Variants in ZNF99 observed in about 807,000 individuals in gnomAD.
The protein encoded by ZNF99 is zinc finger protein ENSP00000375192.
A neutral mutation model predicts 12.8 loss-of-function variants in ZNF99; 8 were observed. That is an observed-to-expected ratio of 0.62 (90% CI 0.37 to 1.13). The LOEUF is 1.13. ZNF99 is among the 50% of genes most tolerant of loss of function. The pLI is 0.02. For missense variants in ZNF99, 1,007 were observed against 1,006.2 expected (o/e 1.00, Z -0.01); for synonymous variants, 318 against 319.0 (o/e 1.00, Z 0.03).
At chr19:22,783,938 G>C in intron 1 of ZNF99, 76 bp downstream of exon 1, 1 of 1,594,530 alleles carries the variant, frequency 6.3e-7, no homozygotes, top group Non-Finnish European at 8.6e-7. Flanking sequence ...GGAGGCCTGA[G>C]TCCCGCCACA....
chr19:22,783,687 AC>A (rs1446014971), intron 1 of ZNF99, among the ~76,000 whole-genome samples: 4 of 152,122 alleles, frequency 2.6e-5, no homozygotes, highest in African/African-American at 9.7e-5. Flanking sequence ...ATGAACCCGC[AC>A]CCGGAGTCAG....
chr19:22,759,201 T>G lies in ZNF99; in HGVS notation c.708A>C (p.Lys236Asn). 6.3e-7 allele frequency: 1 copy of G among 1,575,378 alleles called. No homozygotes were observed. The highest frequency in any genetic ancestry group is 8.6e-7 in the Non-Finnish European group (1 of 1,160,366). Reference protein sequence around the residue: ...DKPYKYKKCGKAFNISSMFTK... With the variant: ...DKPYKYKKCGNAFNISSMFTK... ...TGAACATTGAAGAGATGTTAAAAGC[T>G]TTGCCACATTTCTTATATTTGTAGG... Residue 236 changes from lysine (K) to asparagine (N), a missense_variant, in exon 4 of 4, where the codon AAA (lysine) becomes AAC (asparagine). By Grantham distance (94) the Lys-to-Asn change is moderately conservative. Coordinates refer to ENST00000596209, the MANE Select transcript of ZNF99 (RefSeq NM_001080409.3).
chr19:22,779,557 A>G (rs1473299995), intron 1 of ZNF99, among the ~76,000 whole-genome samples: 4 of 152,114 alleles, frequency 2.6e-5, no homozygotes, highest in African/African-American at 9.7e-5. Flanking sequence ...AAATAAATAA[A>G]TCAGCTGAGT....
At chr19:22,763,356 C>T (rs1973170114) in intron 3 of ZNF99, among the ~76,000 whole-genome samples, 1 of 150,314 alleles carries the variant, frequency 6.7e-6, no homozygotes, top group African/African-American at 2.5e-5. Context: ...AGCAGAGAGT[C>T]AAATCAAAAC....
At chr19:22,771,456 C>T (rs940515443) in intron 1 of ZNF99, among the ~76,000 whole-genome samples, 20 of 151,296 alleles carry the variant, frequency 1.3e-4, no homozygotes, top group African/African-American at 4.6e-4. Flanking sequence ...AGGGTTTCAC[C>T]GTGTTAGCCA....
At chr19:22,770,231 T>C (rs893020659) in intron 1 of ZNF99, 5 of 227,482 alleles carry the variant, frequency 2.2e-5, no homozygotes, top group African/African-American at 9.4e-5. Flanking sequence ...AAGATAGATA[T>C]ATGCAGAGAA....
At chr19:22,775,859 TACTAAAAA>T (rs1568387779) in intron 1 of ZNF99, among the ~76,000 whole-genome samples, 3 of 151,542 alleles carry the variant, frequency 2.0e-5, no homozygotes, top group African/African-American at 7.3e-5. Flanking sequence ...ACCCAGTCTT[TACTAAAAA>T]CACAATTAGC....
At chr19:22,760,693 G>A (rs898464971) in intron 3 of ZNF99, among the ~76,000 whole-genome samples, 7 of 151,880 alleles carry the variant, frequency 4.6e-5, no homozygotes, top group East Asian at 1.9e-4. Flanking sequence ...GCAGTGAGCC[G>A]AGATCATGCC....
intron 1 of ZNF99, among the ~76,000 whole-genome samples, chr19:22,777,007 C>T (rs1973337002): frequency 6.6e-6 from 1 of 152,036 alleles, no homozygotes; most frequent in African/African-American, 2.4e-5. Flanking sequence ...GAAAAATTAG[C>T]TGGGCTTGGT....
chr19:22,761,340 T>C lies in ZNF99; in HGVS notation c.227-1658A>G, dbSNP rs1162364464. Among the ~76,000 whole-genome samples the C allele has an allele frequency of 2.0e-5, 3 of 152,074 alleles. No homozygotes were observed. In the East Asian group the frequency reaches 5.8e-4, roughly 29 times the overall value. ...CTAAACAAGAGGTTCATAAGAGCTA[T>C]TCTTATATAAGACAAAATAAACTTT... On this transcript the variant is annotated intron_variant, in intron 3 of 3. Transcript: ENST00000596209.
In ZNF99 at chr19:22,757,485, C is replaced by G. The variant is rs1365320848; in HGVS notation, c.2424G>C (p.Glu808Asp). 6.8e-6 allele frequency: 11 copies of G among 1,610,688 alleles called. No homozygotes were observed. Among genetic ancestry groups the G allele is most frequent in the Non-Finnish European group, 9.3e-6 (11 of 1,179,562 alleles). Residue 808 changes from glutamate to aspartate, a missense_variant, in exon 4 of 4, where the codon GAG becomes GAC. Glu to Asp is a conservative substitution (Grantham distance 45). Transcript: ENST00000596209. Reference protein sequence around the residue: ...FNNSSTLRKHEIIHTGEKSYK... With the variant: ...FNNSSTLRKHDIIHTGEKSYK... The stretch of plus-strand genomic sequence containing the variant: ...AGGATTTCTCTCCAGTATGAATTAT[C>G]TCATGTTTTCTAAGGGTTGAGGAAT...
rs569970719 is a variant in ZNF99, at chr19:22,759,313, T to C, written c.596A>G (p.Asn199Ser). Residue 199 changes from asparagine to serine, a missense_variant, in exon 4 of 4, where the codon AAT (asparagine) becomes AGT (serine). Transcript: ENST00000596209. ...IQHKRIHTRE[N>S]IYKCEERGKA... Reference sequence around the variant, plus strand: ...GCCACGTTCTTCACATTTGTAGATATTCTCTCTAGTATGAATTCTCTTATG... The same window carrying C: ...GCCACGTTCTTCACATTTGTAGATACTCTCTCTAGTATGAATTCTCTTATG... 1.7e-5 allele frequency: 26 copies of C among 1,549,242 alleles called. No homozygotes were observed. The highest frequency in any genetic ancestry group is 2.7e-5 in the African/African-American group (2 of 73,118).
At chr19:22,776,790 A>G (rs1330708256) in intron 1 of ZNF99, among the ~76,000 whole-genome samples, 3 of 149,348 alleles carry the variant, frequency 2.0e-5, no homozygotes, top group African/African-American at 4.9e-5. Context: ...CTGAAGCACT[A>G]TTCACAATAG....
intron 1 of ZNF99, among the ~76,000 whole-genome samples, chr19:22,776,702 C>T (rs1050977758): frequency 5.9e-5 from 9 of 151,936 alleles, no homozygotes; most frequent in African/African-American, 1.7e-4. Flanking sequence ...CCATTTGACC[C>T]GGCAACCTCA....
intron 3 of ZNF99, among the ~76,000 whole-genome samples, chr19:22,760,028 C>T (rs780194157): frequency 1.3e-5 from 2 of 152,128 alleles, no homozygotes; most frequent in Non-Finnish European, 2.9e-5. Flanking sequence ...CTGGGAATGG[C>T]AGCTCACACC....
At chr19:22,765,497 A>T (rs563583272) in intron 3 of ZNF99, among the ~76,000 whole-genome samples, 84 of 150,316 alleles carry the variant, frequency 5.6e-4, no homozygotes, top group South Asian at 5.0e-3. Context: ...TAAAATAAAT[A>T]AAAAAAAATA....
At chr19:22,771,976 A>G (rs959779144) in intron 1 of ZNF99, among the ~76,000 whole-genome samples, 1 of 150,662 alleles carries the variant, frequency 6.6e-6, no homozygotes, top group Non-Finnish European at 1.5e-5. Context: ...TCGGCCTCCC[A>G]AAGTGCTGGG....
At chr19:22,778,104 T>C (rs1178048986) in intron 1 of ZNF99, among the ~76,000 whole-genome samples, 2 of 150,426 alleles carry the variant, frequency 1.3e-5, no homozygotes, top group African/African-American at 2.5e-5. Context: ...ATGGCACATG[T>C]ATACATATGT....
chr19:22,763,140 G>A (rs187067514), intron 3 of ZNF99, among the ~76,000 whole-genome samples: 234 of 151,930 alleles, frequency 1.5e-3, no homozygotes, highest in Non-Finnish European at 2.9e-3. Context: ...TCCAGAGCAA[G>A]CAGAAAAGAG....
Sources: allele counts gnomAD v4.1 joint callset (sites outside exome capture counted in the v4.1 genomes callset), GRCh38; gene constraint gnomAD v4.1.1; transcripts MANE v1.5; gene names NCBI Gene and HGNC (gene_info 2026-07-23, HGNC 2026-07-21).